Variants in DGAT2L6 observed in about 807,000 individuals in gnomAD.
The protein encoded by DGAT2L6 is diacylglycerol O-acyltransferase 2 like 6.
DGAT2L6 carries 22 observed loss-of-function variants against 25.5 expected under a neutral mutation model. The observed-to-expected ratio is 0.86, with a 90% CI of 0.62 to 1.23. DGAT2L6 has a LOEUF of 1.23. Ranked by LOEUF, DGAT2L6 falls within the 50% of genes most tolerant of loss-of-function variation. The pLI is 0.00. For missense variants in DGAT2L6, 287 were observed against 253.2 expected, an observed-to-expected ratio of 1.13 and a Z score of -0.91; for synonymous variants, 100 against 94.7, an observed-to-expected ratio of 1.06 and a Z score of -0.32.
intron 1 of DGAT2L6, among the ~76,000 whole-genome samples, chrX:70,179,724 C>T (rs944625142): frequency 9.2e-6 from 1 of 108,672 alleles, no homozygotes; most frequent in Non-Finnish European, 1.9e-5. Context: ...TGTGCCACCA[C>T]GCACAGCTAA....
intron 1 of DGAT2L6, among the ~76,000 whole-genome samples, chrX:70,199,004 TC>T (rs1470231267): frequency 1.8e-5 from 2 of 112,072 alleles, no homozygotes; most frequent in African/African-American, 6.5e-5. Context: ...AGCCGTGCTG[TC>T]CTTTGACCTC....
At chrX:70,198,472 A>G (rs1027951927) in intron 1 of DGAT2L6, among the ~76,000 whole-genome samples, 5 of 110,969 alleles carry the variant, frequency 4.5e-5, no homozygotes, top group Admixed American at 2.9e-4. Context: ...CCAAATTGCT[A>G]AGATTATAGG....
chrX:70,200,802 T>C (rs769517699), intron 4 of DGAT2L6, among the ~76,000 whole-genome samples: 111 of 111,876 alleles, frequency 9.9e-4, no homozygotes, highest in Admixed American at 4.5e-3. Flanking sequence ...CAGGTGTGAA[T>C]GGGATAGCTC....
Position 70,201,937 on chromosome X carries a change from A to G in DGAT2L6, c.520A>G (p.Lys174Glu). The change falls in exon 5 of 7, where the codon AAA becomes GAA. Residue 174 changes from lysine to glutamate, a missense_variant. By Grantham distance (56) the Lys-to-Glu change is moderately conservative. Transcript: ENST00000333026. ...AGCCTTGAAGTACTTGCTGACCCAG[A>G]AAGGCTCAGGCAATGCCGTGGTTAT... ...SSALKYLLTQKGSGNAVVIVV... is the reference protein window; with the variant it reads ...SSALKYLLTQEGSGNAVVIVV... 1 of 1,207,053 alleles carries G rather than the reference A, an allele frequency of 8.3e-7. No homozygotes were observed. The highest frequency in any genetic ancestry group is 1.1e-6 in the Non-Finnish European group (1 of 893,458).
intron 1 of DGAT2L6, among the ~76,000 whole-genome samples, chrX:70,187,984 C>T (rs2085364561): frequency 8.9e-6 from 1 of 111,766 alleles, no homozygotes; most frequent in South Asian, 3.8e-4. Context: ...TCCTCATCCA[C>T]AAAATGATAA....
Position 70,204,439 on chromosome X carries a change from T to G in DGAT2L6, c.782T>G (p.Phe261Cys), listed in dbSNP as rs767833042. The G allele has an allele frequency of 3.3e-6, 4 of 1,209,605 alleles. No homozygotes were observed. The African/African-American group carries it at 7.0e-5, about 21-fold the overall frequency. Residue 261 changes from phenylalanine to cysteine, a missense_variant, in exon 6 of 7, where the codon TTC (phenylalanine) becomes TGC (cysteine). By Grantham distance (205) the Phe-to-Cys change is radical (BLOSUM62 -2). Coordinates refer to ENST00000333026, the MANE Select transcript of DGAT2L6 (RefSeq NM_198512.3). ...DTFKKILGLN[F>C]CTFHGRGFTR... Reference sequence around the variant, plus strand: ...TTCAAAAAAATCCTGGGACTAAATTTCTGTACCTTCCATGGCCGGGGCTTC... The same window carrying G: ...TTCAAAAAAATCCTGGGACTAAATTGCTGTACCTTCCATGGCCGGGGCTTC...
chrX:70,180,096 C>T (rs1223996409), intron 1 of DGAT2L6, among the ~76,000 whole-genome samples: 1 of 110,642 alleles, frequency 9.0e-6, no homozygotes, highest in Non-Finnish European at 1.9e-5. Flanking sequence ...TTCTAGTTGT[C>T]CCAGAAGAGC....
intron 4 of DGAT2L6, 52 bp downstream of exon 4, chrX:70,200,511 A>G: frequency 1.8e-6 from 2 of 1,087,463 alleles, no homozygotes; most frequent in Middle Eastern, 5.2e-4. Flanking sequence ...CAAAGGTGCA[A>G]CCCCAATAAG....
At position 70,204,998 on chromosome X, in the gene DGAT2L6, G is replaced by T. The variant is rs760900505; in HGVS notation, c.906G>T (p.Lys302Asn). The T allele has an allele frequency of 4.2e-5, 50 of 1,200,632 alleles. No individual in the cohort carries two copies. Among genetic ancestry groups the T allele is most frequent in the Non-Finnish European group, 5.3e-5 (47 of 892,149 alleles). ...CCAGGATTAAGAGGCCAAACCAGAA[G>T]ACAGTAGACAAGTATCACGCACTCT... is the stretch of plus-strand genomic sequence containing the variant. ...PIPRIKRPNQ[K>N]TVDKYHALYI... The change falls in exon 7 of 7, where the codon AAG becomes AAT. Residue 302 changes from lysine to asparagine, a missense_variant. By Grantham distance (94) the Lys-to-Asn change is moderately conservative. Transcript: ENST00000333026.
At chrX:70,200,855 C>T (rs989435313) in intron 4 of DGAT2L6, among the ~76,000 whole-genome samples, 6 of 112,027 alleles carry the variant, frequency 5.4e-5, no homozygotes, top group African/African-American at 1.9e-4. Flanking sequence ...CAGCTGGCCT[C>T]TTTGGGCCGG....
intron 5 of DGAT2L6, among the ~76,000 whole-genome samples, chrX:70,203,937 G>T (rs1464130802): frequency 1.8e-5 from 2 of 110,589 alleles, no homozygotes; most frequent in Non-Finnish European, 3.8e-5. Flanking sequence ...GCTAGCCAAG[G>T]AGGGAAGGCT....
rs780415796 is a variant in DGAT2L6 at position 70,204,497 on chromosome X, T to A, written c.840T>A (p.Asn280Lys). ...GATCCTGGGGCTTCCTGCCTTTCAA[T>A]CGGCCCATTACCACTGTTGGTGAGC... ...TRGSWGFLPF[N>K]RPITTVVGEP... The change falls in exon 6 of 7, where the codon AAT (asparagine) becomes AAA (lysine). Residue 280 changes from asparagine (N) to lysine (K), a missense_variant. Physicochemically the swap from Asn to Lys is moderately conservative, Grantham distance 94. Transcript: ENST00000333026. 2 of 1,208,987 alleles carry A rather than the reference T, an allele frequency of 1.7e-6. No individual in the cohort carries two copies. Among genetic ancestry groups the A allele is most frequent in the South Asian group, 1.8e-5 (1 of 56,721 alleles).
intron 1 of DGAT2L6, among the ~76,000 whole-genome samples, chrX:70,197,890 C>T (rs1246476173): frequency 8.9e-6 from 1 of 112,161 alleles, no homozygotes; most frequent in Non-Finnish European, 1.9e-5. Context: ...ACCACGCTTT[C>T]CTGTCTAATT....
intron 3 of DGAT2L6, among the ~76,000 whole-genome samples, 166 bp downstream of exon 3, chrX:70,200,048 G>A (rs1833796475): frequency 9.0e-6 from 1 of 111,154 alleles, no homozygotes; most frequent in East Asian, 2.8e-4. Flanking sequence ...GGAAACAGGT[G>A]GATGGCAGCC....
At chrX:70,197,872 C>G (rs1162518681) in intron 1 of DGAT2L6, among the ~76,000 whole-genome samples, 1 of 112,176 alleles carries the variant, frequency 8.9e-6, no homozygotes, top group Non-Finnish European at 1.9e-5. Flanking sequence ...TCCCATAAAA[C>G]TCCTCCCACC....
intron 1 of DGAT2L6, among the ~76,000 whole-genome samples, chrX:70,187,169 TTTTG>T (rs61670297): frequency 0.056 from 6,033 of 108,421 alleles, 313 homozygotes; most frequent in African/African-American, 0.15. Context: ...AGGAGAAGTT[TTTTG>T]TTTGTTTGTT....
At chrX:70,193,649 A>G in intron 1 of DGAT2L6, among the ~76,000 whole-genome samples, 1 of 112,460 alleles carries the variant, frequency 8.9e-6, no homozygotes, top group East Asian at 2.8e-4. Context: ...AATAAAAATC[A>G]TAAGATCATC....
chrX:70,184,791 C>T (rs1003432272), intron 1 of DGAT2L6, among the ~76,000 whole-genome samples: 1 of 110,706 alleles, frequency 9.0e-6, no homozygotes, highest in Non-Finnish European at 1.9e-5. Context: ...TCCCAGCATT[C>T]CCACATACCC....
chrX:70,202,500 C>T (rs764923870), intron 5 of DGAT2L6, among the ~76,000 whole-genome samples: 3 of 111,960 alleles, frequency 2.7e-5, no homozygotes, highest in South Asian at 3.7e-4. Context: ...TCAGCAGTTA[C>T]GGAACACCCA....
Sources: allele counts gnomAD v4.1 joint callset (sites outside exome capture counted in the v4.1 genomes callset), GRCh38; gene constraint gnomAD v4.1.1; transcripts MANE v1.5; gene names NCBI Gene and HGNC (gene_info 2026-07-23, HGNC 2026-07-21).